The following DCUN1D4 variants were observed in gnomAD, a reference collection of about 807,000 sequenced individuals.
DCUN1D4 encodes the protein DCN1-like protein 4.
In DCUN1D4, 22 loss-of-function variants were observed where a neutral mutation model predicts 47.9. The observed-to-expected ratio is 0.46, with a 90% confidence interval of 0.33 to 0.66. The LOEUF (loss-of-function observed/expected upper bound fraction) is 0.66, where lower values mean the gene tolerates loss of function less well. Ranked by LOEUF, DCUN1D4 falls within the 30% of genes least tolerant of loss-of-function variation. DCUN1D4 has a pLI of 0.02. For missense variants in DCUN1D4, 301 were observed against 340.8 expected, an observed-to-expected ratio of 0.88 and a Z score of 0.92; for synonymous variants, 121 against 112.2, an observed-to-expected ratio of 1.08 and a Z score of -0.50.
At chr4:51,835,330 G>A in the DCUN1D4 span, among the ~76,000 whole-genome samples, 1 of 152,192 alleles carries the variant, frequency 6.6e-6, no homozygotes, top group Non-Finnish European at 1.5e-5. Context: ...TTACAAAAAT[G>A]TCTACCTCTT....
At chr4:51,905,065 A>G in intron 8 of DCUN1D4, 1 of 324,118 alleles carries the variant, frequency 3.1e-6, no homozygotes, top group South Asian at 2.4e-5. Context: ...CCAAAATTGC[A>G]GCCCCAAGGG....
At chr4:51,894,591 T>G (rs1472046611) in intron 7 of DCUN1D4, among the ~76,000 whole-genome samples, 1 of 152,144 alleles carries the variant, frequency 6.6e-6, no homozygotes, top group Non-Finnish European at 1.5e-5. Flanking sequence ...AGTAACTAAA[T>G]AAGCATTGTA....
upstream of DCUN1D4, among the ~76,000 whole-genome samples, chr4:51,840,261 GA>G (rs372140987): frequency 3.5e-5 from 5 of 142,382 alleles, no homozygotes; most frequent in Admixed American, 2.1e-4. Context: ...CTACAAATGA[GA>G]AAAAAAAAAG....
At chr4:51,873,084 TGAAGAACTGGAAC>T (rs1727159188) in intron 3 of DCUN1D4, among the ~76,000 whole-genome samples, 3 of 152,140 alleles carry the variant, frequency 2.0e-5, no homozygotes, top group Non-Finnish European at 4.4e-5. Context: ...ACCACATAGG[TGAAGAACTGGAAC>T]TCACTCATTG....
chr4:51,875,047 C>T (rs1201029829), intron 4 of DCUN1D4: 1 of 152,190 alleles, frequency 6.6e-6, no homozygotes. Flanking sequence ...TCCATCTTTC[C>T]CCATTCTGGC....
intron 1 of DCUN1D4, among the ~76,000 whole-genome samples, chr4:51,844,596 A>G (rs1722206259): frequency 6.6e-6 from 1 of 151,558 alleles, no homozygotes; most frequent in African/African-American, 2.4e-5. Context: ...TCTGGCTATC[A>G]GGTGTGGGGG....
intron 6 of DCUN1D4, among the ~76,000 whole-genome samples, chr4:51,891,211 G>A (rs530756195): frequency 6.6e-6 from 1 of 152,268 alleles, no homozygotes; most frequent in East Asian, 1.9e-4. Context: ...AATACATCTT[G>A]GAAATTATTC....
the DCUN1D4 span, among the ~76,000 whole-genome samples, chr4:51,836,558 G>C: frequency 9.8e-4 from 149 of 152,188 alleles, 2 homozygotes; most frequent in South Asian, 0.029. Context: ...TTCAACTGGG[G>C]GTTCAGATCT....
intron 4 of DCUN1D4, among the ~76,000 whole-genome samples, chr4:51,876,942 A>G (rs1160110994): frequency 3.3e-5 from 5 of 152,208 alleles, no homozygotes; most frequent in Admixed American, 1.3e-4. Flanking sequence ...ATATACTTAT[A>G]ATTTTTATAT....
intron 3 of DCUN1D4, among the ~76,000 whole-genome samples, chr4:51,871,132 T>TTA (rs547134109): frequency 2.2e-5 from 3 of 139,366 alleles, no homozygotes; most frequent in East Asian, 2.1e-4. Context: ...GTGGAGAGAT[T>TTA]AAAAAAAAAA....
intron 1 of DCUN1D4, among the ~76,000 whole-genome samples, chr4:51,845,780 T>G (rs1722450008): frequency 6.6e-6 from 1 of 152,220 alleles, no homozygotes. Flanking sequence ...CCTTTTGGTG[T>G]GGTTACAAAC....
At chr4:51,886,418 C>A (rs1729481670) in intron 5 of DCUN1D4, 150 bp from the exon 6 acceptor site, 3 of 561,508 alleles carry the variant, frequency 5.3e-6, no homozygotes, top group African/African-American at 3.8e-5. Context: ...TACTGAAATT[C>A]GAGAATACTT....
Position 51,916,167 on chromosome 4 carries a change from T to G in DCUN1D4, c.*2583T>G, listed in dbSNP as rs566747970. 11 of 152,242 alleles carry G rather than the reference T, an allele frequency of 7.2e-5. No homozygotes were observed. The South Asian group carries it at 2.3e-3, about 32-fold the overall frequency. 9.4% of individuals were successfully genotyped at this position (152,242 alleles called of 1,614,324 possible). A position where few individuals can be genotyped will look rare whatever the true frequency, so the allele number is the denominator to read the frequency against. On this transcript the variant is annotated 3_prime_UTR_variant, in exon 11 of 11. Coordinates refer to ENST00000334635, the MANE Select transcript of DCUN1D4 (RefSeq NM_001040402.3). ...TACAACCCTTTCTCTTTTTCTATTG[T>G]GTTTCGAACTCCACATTGCAATACT...
chr4:51,895,597 A>G (rs1360282582), intron 7 of DCUN1D4, among the ~76,000 whole-genome samples: 3 of 144,832 alleles, frequency 2.1e-5, no homozygotes, highest in African/African-American at 7.6e-5. Context: ...AACAGTGACA[A>G]TTGTTAATTA....
the DCUN1D4 span, among the ~76,000 whole-genome samples, chr4:51,836,212 G>T: frequency 2.0e-5 from 3 of 152,180 alleles, no homozygotes; most frequent in Non-Finnish European, 4.4e-5. Context: ...TCAGGAGCTG[G>T]TGGGGTAGCA....
chr4:51,872,139 G>T (rs1273763509), intron 3 of DCUN1D4, among the ~76,000 whole-genome samples: 1 of 152,176 alleles, frequency 6.6e-6, no homozygotes, highest in Admixed American at 6.5e-5. Flanking sequence ...TCCAAGACTG[G>T]GGTCTGGGAA....
intron 8 of DCUN1D4, among the ~76,000 whole-genome samples, chr4:51,900,273 C>CAT (rs966098574): frequency 5.3e-5 from 8 of 151,936 alleles, no homozygotes; most frequent in Non-Finnish European, 1.2e-4. Flanking sequence ...AATTTTGATG[C>CAT]ATCTTGCAAT....
intron 1 of DCUN1D4, chr4:51,845,134 G>A: frequency 1.0e-6 from 1 of 985,472 alleles, no homozygotes; most frequent in Non-Finnish European, 1.2e-6. Context: ...CATTTAAGAA[G>A]CAACACAATG....
chr4:51,909,628 A>T (rs1733406150), intron 8 of DCUN1D4, among the ~76,000 whole-genome samples: 1 of 152,126 alleles, frequency 6.6e-6, no homozygotes, highest in African/African-American at 2.4e-5. Flanking sequence ...GACAATACAT[A>T]TGGCCAAGGG....
Sources: gnomAD v4.1 joint callset for allele counts (sites outside exome capture counted in the v4.1 genomes callset) on GRCh38, gnomAD v4.1.1 for gene constraint, MANE v1.5 for transcripts, NCBI Gene and HGNC (gene_info 2026-07-23, HGNC 2026-07-21) for gene names.